The following APLP2 variants were observed in gnomAD, a reference collection of about 807,000 sequenced individuals.
APLP2 encodes the protein CDEI box-binding protein.
Under a neutral mutation model 89.9 loss-of-function variants are expected in APLP2, and 53 were observed. That is an observed-to-expected ratio of 0.59 (90% confidence interval 0.47 to 0.74). APLP2 has a LOEUF of 0.74. APLP2 is among the 30% of genes least tolerant of loss of function. The pLI is 0.00. For synonymous variants in APLP2, 372 were observed against 348.6 expected, an observed-to-expected ratio of 1.07 and a Z score of -0.75; for missense variants, 973 against 975.9, an observed-to-expected ratio of 1.00 and a Z score of 0.04.
intron 13 of APLP2, among the ~76,000 whole-genome samples, chr11:130,139,889 C>CT (rs1952133059): frequency 2.6e-5 from 4 of 152,104 alleles, no homozygotes; most frequent in Admixed American, 2.6e-4. Flanking sequence ...CCAGGACCAA[C>CT]TGAAACTTGA....
intron 1 of APLP2, among the ~76,000 whole-genome samples, chr11:130,104,656 T>G (rs1947410123): frequency 6.6e-6 from 1 of 152,212 alleles, no homozygotes; most frequent in Non-Finnish European, 1.5e-5. Context: ...TACACATATC[T>G]TTAGGTGTTT....
At chr11:130,090,072 TG>T (rs1944675063) in intron 1 of APLP2, among the ~76,000 whole-genome samples, 1 of 152,198 alleles carries the variant, frequency 6.6e-6, no homozygotes, top group Non-Finnish European at 1.5e-5. Flanking sequence ...TCAAGTGAAA[TG>T]ATCTTTGAAT....
At chr11:130,129,465 A>G (rs1950700136) in intron 10 of APLP2, among the ~76,000 whole-genome samples, 1 of 152,232 alleles carries the variant, frequency 6.6e-6, no homozygotes, top group Admixed American at 6.5e-5. Flanking sequence ...CGCGAAATTG[A>G]TGGGTAATTA....
chr11:130,069,965 G>A lies in APLP2; in HGVS notation c.-13G>A. 3 of 1,499,250 alleles carry A rather than the reference G, an allele frequency of 2.0e-6. No homozygotes were observed. The highest frequency in any genetic ancestry group is 2.7e-6 in the Non-Finnish European group (3 of 1,127,348). The allele number at this position is 1,499,250 out of a possible 1,614,324, so 92.9% of individuals were successfully genotyped here. ...GAGCTTGAGAGCCGCGCGCTAGAGC[G>A]ACCCGGCGAGGGATGGCGGCCACCG... On this transcript the variant is annotated 5_prime_UTR_variant, in exon 1 of 17. Transcript: ENST00000338167.
At position 130,090,125 on chromosome 11, in the gene APLP2, CAAAT is replaced by C. The variant is rs376134561; in HGVS notation, c.106-19300_106-19297del. 2.0e-3 allele frequency among the ~76,000 whole-genome samples: 310 copies of C among 152,162 alleles called. 1 individual carries two copies. Among genetic ancestry groups the C allele is most frequent in the African/African-American group, 7.3e-3 (301 of 41,512 alleles). On this transcript the variant is annotated intron_variant, in intron 1 of 16. Transcript: ENST00000338167. ...ATTTTCTTCAAAGTTATGTTTATGA[CAAAT>C]AAAAGCTTATGATCTTGGGAATACT...
At chr11:130,079,939 GT>G (rs1942881616) in intron 1 of APLP2, among the ~76,000 whole-genome samples, 5 of 152,084 alleles carry the variant, frequency 3.3e-5, no homozygotes. Context: ...TGAATGTTGA[GT>G]TTTTTTCAAA....
chr11:130,075,592 C>T (rs138806531), intron 1 of APLP2, among the ~76,000 whole-genome samples: 154 of 152,234 alleles, frequency 1.0e-3, no homozygotes, highest in African/African-American at 3.4e-3. Flanking sequence ...AAAAGCTCCC[C>T]GGATGATTCT....
chr11:130,078,312 A>T (rs972669648), intron 1 of APLP2, among the ~76,000 whole-genome samples: 1 of 152,070 alleles, frequency 6.6e-6, no homozygotes, highest in African/African-American at 2.4e-5. Context: ...ATAGTACTCC[A>T]TTATATGAAT....
rs150893992 is a variant in APLP2, at chr11:130,110,626, G to T, written c.368G>T (p.Cys123Phe). The T allele has an allele frequency of 3.1e-6, 5 of 1,613,902 alleles. No homozygotes were observed. In the African/African-American group the frequency reaches 6.7e-5, roughly 22 times the overall value. Reference sequence around the variant, plus strand: ...TGGTGCCGGAGGGACAAAAAGCAATGCAAGAGTCGCTTTGTTACACCTTTC... The same window carrying T: ...TGGTGCCGGAGGGACAAAAAGCAATTCAAGAGTCGCTTTGTTACACCTTTC... ...DNWCRRDKKQ[C>F]KSRFVTPFKC... Residue 123 changes from cysteine (C) to phenylalanine (F), a missense_variant, in exon 3 of 17, where the codon TGC (cysteine) becomes TTC (phenylalanine). Physicochemically the swap from Cys to Phe is radical, Grantham distance 205 (BLOSUM62 -2). Transcript: ENST00000338167.
At chr11:130,116,830 T>C (rs1949240431) in intron 3 of APLP2, among the ~76,000 whole-genome samples, 2 of 151,972 alleles carry the variant, frequency 1.3e-5, no homozygotes, top group Admixed American at 6.6e-5. Flanking sequence ...TGTTAAAAGA[T>C]ATATATATAT....
rs749503671 is a variant in APLP2, at chr11:130,123,713, G to A, written c.1024G>A (p.Gly342Ser). 2.5e-6 allele frequency: 4 copies of A among 1,614,266 alleles called. No individual in the cohort carries two copies. Among genetic ancestry groups the A allele is most frequent in the Admixed American group, 1.7e-5 (1 of 60,038 alleles). The change falls in exon 7 of 17, where the codon GGC becomes AGC. Residue 342 changes from glycine (G) to serine (S), a missense_variant. Gly to Ser is a moderately conservative substitution (Grantham distance 56). Coordinates refer to ENST00000338167, the MANE Select transcript of APLP2 (RefSeq NM_001142276.2). This position sits in a 1 kb window ranked among gnomAD's most constrained non-coding sequence, Gnocchi z 4.0. The part of the protein sequence containing the change: ...KGKCVRFIYG[G>S]CGGNRNNFES... ...AAAGTGCGTGCGCTTTATATATGGT[G>A]GCTGCGGCGGCAACAGGAACAATTT...
Position 130,135,680 on chromosome 11 carries a change from C to A in APLP2, c.1802C>A (p.Pro601His). 6.2e-7 allele frequency: 1 copy of A among 1,612,728 alleles called. No homozygotes were observed. Among genetic ancestry groups the A allele is most frequent in the South Asian group, 1.1e-5 (1 of 91,080 alleles). The change falls in exon 13 of 17, where the codon CCC (proline) becomes CAC (histidine). Residue 601 changes from proline to histidine, a missense_variant. By Grantham distance (77) the Pro-to-His change is moderately conservative. Coordinates refer to ENST00000338167, the MANE Select transcript of APLP2 (RefSeq NM_001142276.2). ...EESEEIPPFH[P>H]FHPFPALPEN... ...AGTGAGGAGATCCCACCGTTCCACCCCTTCCACCCCTTCCCAGCCCTACCT... is the reference window on the plus strand; with the variant it reads ...AGTGAGGAGATCCCACCGTTCCACCACTTCCACCCCTTCCCAGCCCTACCT...
chr11:130,086,797 A>G (rs1944186479), intron 1 of APLP2, among the ~76,000 whole-genome samples: 2 of 152,186 alleles, frequency 1.3e-5, no homozygotes, highest in Non-Finnish European at 2.9e-5. Context: ...TGGCAGATCA[A>G]TTGACCAAAC....
At chr11:130,083,026 C>CTTTTTTTTTTTTTTTTTTTTTTTTTTT (rs553962550) in intron 1 of APLP2, among the ~76,000 whole-genome samples, 6 of 72,524 alleles carry the variant, frequency 8.3e-5, no homozygotes, top group African/African-American at 1.9e-4. Flanking sequence ...CTTTTCTTTT[C>CTTTTTTTTTTTTTTTTTTTTTTTTTTT]TTTTTTTTTT....
rs1423691693 is a variant in APLP2, at chr11:130,110,676, T to G, written c.403+15T>G. ...CAAGTGTCTCGGTGAGTGTTCTTGG[T>G]TACTTTTCAGGAAGTGCCAGCCCCC... On this transcript the variant is annotated intron_variant, in intron 3 of 16. Transcript: ENST00000338167. The G allele has an allele frequency of 6.2e-7, 1 of 1,600,716 alleles. No homozygotes were observed. Among genetic ancestry groups the G allele is most frequent in the East Asian group, 2.2e-5 (1 of 44,722 alleles).
At chr11:130,110,498 G>A in intron 2 of APLP2, 40 bp from the exon 3 acceptor site, 1 of 1,607,706 alleles carries the variant, frequency 6.2e-7, no homozygotes, top group Non-Finnish European at 8.5e-7. Flanking sequence ...GTGTCTGTCT[G>A]CAGATTGATT....
At chr11:130,142,619 T>G (rs1006811574) in intron 16 of APLP2, among the ~76,000 whole-genome samples, 1 of 152,010 alleles carries the variant, frequency 6.6e-6, no homozygotes, top group East Asian at 1.9e-4. Flanking sequence ...TTTGTTTTGG[T>G]TTTTTGGTTT....
intron 13 of APLP2, 152 bp from the exon 14 acceptor site, chr11:130,140,246 C>T: frequency 3.7e-6 from 2 of 538,184 alleles, no homozygotes; most frequent in African/African-American, 3.8e-5. Flanking sequence ...CACAGGGCAC[C>T]CTCAGACTTG....
At chr11:130,070,198 CGGCTCTGCGGCGGGTCT>C (rs1016221913) in intron 1 of APLP2, 116 bp downstream of exon 1, 28 of 456,238 alleles carry the variant, frequency 6.1e-5, no homozygotes, top group African/African-American at 8.4e-5. Flanking sequence ...GCCGGGGGTC[CGGCTCTGCGGCGGGTCT>C]GGCGCGCCCT....
Sources: gnomAD v4.1 joint callset for allele counts (sites outside exome capture counted in the v4.1 genomes callset) on GRCh38, gnomAD v4.1.1 for gene constraint, Gnocchi (gnomAD v3.1) non-coding constraint, MANE v1.5 for transcripts, NCBI Gene and HGNC (gene_info 2026-07-23, HGNC 2026-07-21) for gene names.